STXBP6: variants seen among roughly 807,000 people sequenced by gnomAD.
STXBP6 encodes syntaxin binding protein 6.
Under a neutral mutation model 26.9 loss-of-function variants are expected in STXBP6, and 21 were observed. The ratio of observed to expected loss-of-function variants is 0.78; its 90% CI spans 0.55 to 1.12. The LOEUF is 1.12. Ranked by LOEUF, STXBP6 falls within the 50% of genes most tolerant of loss-of-function variation. The pLI, the probability that STXBP6 is intolerant of heterozygous loss-of-function variation, is 0.00. For synonymous variants in STXBP6, 97 were observed against 92.6 expected (o/e 1.05, Z -0.27); for missense variants, 232 against 257.9 (o/e 0.90, Z 0.69).
chr14:25,028,399 A>C (rs528961790), intron 1 of STXBP6, among the ~76,000 whole-genome samples: 1 of 152,254 alleles, frequency 6.6e-6, no homozygotes, highest in Non-Finnish European at 1.5e-5. Flanking sequence ...TCCTAAATCT[A>C]TTCTGCATGT....
chr14:25,002,258 AGACT>A (rs2074777609), intron 1 of STXBP6, among the ~76,000 whole-genome samples: 1 of 152,210 alleles, frequency 6.6e-6, no homozygotes, highest in African/African-American at 2.4e-5. Context: ...TGATCATGAC[AGACT>A]ATTTCACAAA....
At chr14:25,029,946 A>G (rs2033688886) in intron 1 of STXBP6, among the ~76,000 whole-genome samples, 1 of 152,216 alleles carries the variant, frequency 6.6e-6, no homozygotes, top group Non-Finnish European at 1.5e-5. Flanking sequence ...AATAGCTACC[A>G]TTTATCCTAC....
chr14:25,012,735 T>A (rs1424819337), intron 1 of STXBP6, among the ~76,000 whole-genome samples: 1 of 152,110 alleles, frequency 6.6e-6, no homozygotes, highest in Non-Finnish European at 1.5e-5. Flanking sequence ...ATTATGAAAA[T>A]TGTTTTGACC....
chr14:25,009,308 A>C (rs1781722891), intron 1 of STXBP6, among the ~76,000 whole-genome samples: 1 of 152,178 alleles, frequency 6.6e-6, no homozygotes, highest in Admixed American at 6.5e-5. Flanking sequence ...TTGAAGCTTC[A>C]AATATTATTT....
intron 2 of STXBP6, among the ~76,000 whole-genome samples, chr14:24,918,869 A>G (rs925334881): frequency 8.5e-5 from 13 of 152,094 alleles, no homozygotes; most frequent in African/African-American, 2.4e-4. Context: ...AGAGTGCAAA[A>G]GAGAAAAACT....
rs190082387 is a variant in STXBP6 at position 25,018,352 on chromosome 14, A to G, written c.-33+31526T>C. The stretch of plus-strand genomic sequence containing the variant: ...GAGTGATCTTTAATAATGGTAAACT[A>G]GAGTTATCCCTAAGACCCTAAACCC... On this transcript the variant is annotated intron_variant, in intron 1 of 5. Coordinates refer to ENST00000323944, the MANE Select transcript of STXBP6 (RefSeq NM_001394410.1). Among the ~76,000 whole-genome samples the G allele has an allele frequency of 2.0e-4, 31 of 152,280 alleles. No individual in the cohort carries two copies. In the East Asian group the frequency reaches 5.6e-3, roughly 28 times the overall value.
intron 1 of STXBP6, among the ~76,000 whole-genome samples, chr14:24,975,246 C>T (rs1398920869): frequency 6.6e-6 from 1 of 152,142 alleles, no homozygotes; most frequent in African/African-American, 2.4e-5. Flanking sequence ...TCCAACAGTC[C>T]TTAGAGTCAA....
intron 1 of STXBP6, among the ~76,000 whole-genome samples, chr14:25,013,269 G>A (rs186726584): frequency 2.3e-4 from 35 of 152,162 alleles, no homozygotes; most frequent in African/African-American, 7.7e-4. Flanking sequence ...GGAAAGAATC[G>A]AACATTTTTC....
chr14:25,032,675 T>C (rs920077724), intron 1 of STXBP6, among the ~76,000 whole-genome samples: 7 of 152,126 alleles, frequency 4.6e-5, no homozygotes, highest in Admixed American at 2.6e-4. Flanking sequence ...TAAGAACAGA[T>C]TTCACAGAGT....
intron 2 of STXBP6, among the ~76,000 whole-genome samples, chr14:24,877,510 T>A (rs745631964): frequency 4.6e-5 from 7 of 152,122 alleles, no homozygotes; most frequent in Admixed American, 2.6e-4. Context: ...TATATACATA[T>A]TCTTTCCTTC....
At chr14:24,838,061 T>A (rs1256246488) in intron 4 of STXBP6, among the ~76,000 whole-genome samples, 3 of 152,234 alleles carry the variant, frequency 2.0e-5, no homozygotes, top group Admixed American at 2.0e-4. Flanking sequence ...GAGAAAGAGT[T>A]TCACTCAGTT....
chr14:24,935,189 T>C (rs1055311966), intron 2 of STXBP6, among the ~76,000 whole-genome samples: 1 of 152,180 alleles, frequency 6.6e-6, no homozygotes, highest in African/African-American at 2.4e-5. Flanking sequence ...TGTGGGATCA[T>C]TAGATACACT....
At chr14:24,881,977 A>G (rs930704379) in intron 2 of STXBP6, among the ~76,000 whole-genome samples, 1 of 152,146 alleles carries the variant, frequency 6.6e-6, no homozygotes, top group Admixed American at 6.5e-5. Context: ...TCTCCTTCCT[A>G]TACATTGGCA....
chr14:24,851,089 A>G (rs2069133833), intron 4 of STXBP6, among the ~76,000 whole-genome samples: 1 of 152,134 alleles, frequency 6.6e-6, no homozygotes, highest in African/African-American at 2.4e-5. Flanking sequence ...GTCAACACAA[A>G]TGAAATAGCA....
chr14:24,916,580 G>T (rs181228055), intron 2 of STXBP6, among the ~76,000 whole-genome samples: 7 of 152,222 alleles, frequency 4.6e-5, no homozygotes, highest in Non-Finnish European at 8.8e-5. Context: ...GCTTTGCAGG[G>T]TGTGTGGGGA....
chr14:25,049,726 G>A lies in STXBP6; in HGVS notation c.-33+152C>T, dbSNP rs928936067. 1.0e-6 allele frequency: 1 copy of A among 985,536 alleles called. No homozygotes were observed. Among genetic ancestry groups the A allele is most frequent in the African/African-American group, 1.7e-5 (1 of 57,238 alleles). The allele number at this position is 985,536 out of a possible 1,614,324, so 61.0% of individuals were successfully genotyped here. On this transcript the variant is annotated intron_variant, in intron 1 of 5. Coordinates refer to ENST00000323944, the MANE Select transcript of STXBP6 (RefSeq NM_001394410.1). The surrounding 1 kb of genome is among the most constrained non-coding windows in gnomAD (Gnocchi z 5.6). ...TCTCCCGCCACCCGCCAACTTGGAA[G>A]AATCTCTCTGGGAGCCTGCCTACTC...
chr14:24,845,202 T>C lies in STXBP6; in HGVS notation c.451+10734A>G, dbSNP rs560650041. 1.9e-4 allele frequency among the ~76,000 whole-genome samples: 29 copies of C among 152,082 alleles called. 2 individuals carry two copies. The South Asian group carries it at 2.3e-3, about 12-fold the overall frequency. ...AATTTTTTTGTACTTTTAATAGAGA[T>C]GGGGTTTCACCGTGTTAGCCAGGAT... On this transcript the variant is annotated intron_variant, in intron 4 of 5. Transcript: ENST00000323944.
chr14:24,965,114 G>C (rs10139191), intron 2 of STXBP6, among the ~76,000 whole-genome samples: 2,407 of 152,142 alleles, frequency 0.016, 61 homozygotes, highest in African/African-American at 0.055. Context: ...CTAGGTAATC[G>C]AGAGTAGACT....
chr14:25,040,313 AG>A (rs2075622664), intron 1 of STXBP6, among the ~76,000 whole-genome samples: 1 of 152,222 alleles, frequency 6.6e-6, no homozygotes, highest in Non-Finnish European at 1.5e-5. Context: ...TTAGAATTGA[AG>A]GTAGAAAGGC....
Sources: allele counts gnomAD v4.1 joint callset (sites outside exome capture counted in the v4.1 genomes callset), GRCh38; gene constraint gnomAD v4.1.1; non-coding constraint Gnocchi (gnomAD v3.1); transcripts MANE v1.5; gene names NCBI Gene and HGNC (gene_info 2026-07-23, HGNC 2026-07-21).